TSPAN13: variants seen among roughly 807,000 people sequenced by gnomAD.
The protein encoded by TSPAN13 is tetraspanin 13.
Under a neutral mutation model 26.9 loss-of-function variants are expected in TSPAN13, and 18 were observed. The observed-to-expected ratio is 0.67, with a 90% CI of 0.46 to 0.99. TSPAN13 has a LOEUF of 0.99. TSPAN13 is among the 50% of genes least tolerant of loss of function. TSPAN13 has a pLI of 0.00. For missense variants in TSPAN13, 201 were observed against 249.6 expected, an observed-to-expected ratio of 0.81 and a Z score of 1.31; for synonymous variants, 116 against 98.4, an observed-to-expected ratio of 1.18 and a Z score of -1.06.
intron 5 of TSPAN13, 68 bp from the exon 6 acceptor site, chr7:16,783,349 T>A (rs1019744811): frequency 2.8e-6 from 4 of 1,453,586 alleles, no homozygotes; most frequent in Non-Finnish European, 3.8e-6. Context: ...ATTTTATTGA[T>A]CAACTGAATA....
chr7:16,781,089 T>C (rs997867779), intron 5 of TSPAN13, among the ~76,000 whole-genome samples: 5 of 152,184 alleles, frequency 3.3e-5, no homozygotes, highest in African/African-American at 1.2e-4. Flanking sequence ...TTATTATACC[T>C]TTAAACAAAC....
At chr7:16,773,474 G>C (rs373905289) in intron 1 of TSPAN13, among the ~76,000 whole-genome samples, 11 of 152,258 alleles carry the variant, frequency 7.2e-5, no homozygotes, top group South Asian at 4.1e-4. Flanking sequence ...CACTGCTTTT[G>C]TGTACAGGGG....
intron 1 of TSPAN13, among the ~76,000 whole-genome samples, chr7:16,764,260 C>T (rs1446216353): frequency 6.6e-6 from 1 of 150,834 alleles, no homozygotes; most frequent in Admixed American, 6.6e-5. Context: ...AACTCCTGAC[C>T]TCGTGATCTG....
At chr7:16,758,445 A>T (rs1784506888) in intron 1 of TSPAN13, among the ~76,000 whole-genome samples, 2 of 152,162 alleles carry the variant, frequency 1.3e-5, no homozygotes, top group Non-Finnish European at 2.9e-5. Context: ...TAGTATATAA[A>T]TGCTTTAGAT....
chr7:16,776,468 A>G, intron 2 of TSPAN13, 90 bp downstream of exon 2: 4 of 1,298,642 alleles, frequency 3.1e-6, no homozygotes, highest in Non-Finnish European at 4.3e-6. Context: ...ATTTATTGCC[A>G]GAAAGCAACT....
intron 1 of TSPAN13, among the ~76,000 whole-genome samples, chr7:16,761,887 A>C (rs1784545003): frequency 1.3e-5 from 2 of 151,964 alleles, no homozygotes; most frequent in South Asian, 4.1e-4. Flanking sequence ...TTGTTGGTAT[A>C]GTCCTTCTGT....
At chr7:16,782,078 G>T (rs547349624) in intron 5 of TSPAN13, among the ~76,000 whole-genome samples, 2 of 152,172 alleles carry the variant, frequency 1.3e-5, no homozygotes, top group African/African-American at 2.4e-5. Context: ...TATCTATTTT[G>T]TGAAAGCTAT....
chr7:16,754,725 C>T (rs1252407392), intron 1 of TSPAN13, among the ~76,000 whole-genome samples: 1 of 152,188 alleles, frequency 6.6e-6, no homozygotes, highest in Non-Finnish European at 1.5e-5. Flanking sequence ...AGCCCCCACC[C>T]AAGTCGTTTC....
intron 1 of TSPAN13, among the ~76,000 whole-genome samples, chr7:16,770,876 ATGATAGGCTCTTGTT>A (rs1583791837): frequency 6.6e-6 from 1 of 152,238 alleles, no homozygotes; most frequent in East Asian, 1.9e-4. Context: ...AAGCATGGGC[ATGATAGGCTCTTGTT>A]TGATAGGCTC....
intron 5 of TSPAN13, among the ~76,000 whole-genome samples, chr7:16,781,798 C>G (rs1784816318): frequency 6.6e-6 from 1 of 152,002 alleles, no homozygotes; most frequent in African/African-American, 2.4e-5. Flanking sequence ...GGAGCTTTGG[C>G]AAGTGATATT....
chr7:16,778,741 TGTAAG>T (rs540144735), intron 4 of TSPAN13, among the ~76,000 whole-genome samples: 136 of 152,312 alleles, frequency 8.9e-4, no homozygotes, highest in Non-Finnish European at 1.8e-3. Context: ...TCTTATCTGA[TGTAAG>T]GTAACATGGA....
intron 1 of TSPAN13, among the ~76,000 whole-genome samples, chr7:16,757,565 T>C (rs1170842243): frequency 6.6e-6 from 1 of 152,070 alleles, no homozygotes; most frequent in Non-Finnish European, 1.5e-5. Context: ...TGACCAAACA[T>C]ATATTTACTG....
chr7:16,770,198 A>T (rs1824393), intron 1 of TSPAN13, among the ~76,000 whole-genome samples: 74,950 of 147,912 alleles, frequency 0.51, 18,889 homozygotes, highest in Admixed American at 0.54. Context: ...TTTTTATTTT[A>T]TTATTTTATT....
intron 1 of TSPAN13, among the ~76,000 whole-genome samples, chr7:16,775,151 G>A (rs1784727269): frequency 6.6e-6 from 1 of 152,144 alleles, no homozygotes; most frequent in African/African-American, 2.4e-5. Flanking sequence ...CCAGGCAATG[G>A]TTGACTCATG....
At chr7:16,760,204 A>G (rs901580018) in intron 1 of TSPAN13, among the ~76,000 whole-genome samples, 10 of 152,200 alleles carry the variant, frequency 6.6e-5, no homozygotes, top group African/African-American at 2.2e-4. Flanking sequence ...GTAAAAGGCT[A>G]TATGGCTTTT....
intron 1 of TSPAN13, among the ~76,000 whole-genome samples, chr7:16,767,116 C>G (rs573351879): frequency 6.6e-6 from 1 of 152,122 alleles, no homozygotes; most frequent in Non-Finnish European, 1.5e-5. Context: ...CAGCTAATCT[C>G]TCTTTTAAGA....
intron 1 of TSPAN13, among the ~76,000 whole-genome samples, chr7:16,766,513 C>T (rs1407374857): frequency 1.3e-5 from 2 of 152,142 alleles, no homozygotes; most frequent in African/African-American, 4.8e-5. Context: ...TAGAGCATTG[C>T]CTTTTGTTAC....
Position 16,768,157 on chromosome 7 carries a change from G to A in TSPAN13, c.64-8054G>A, listed in dbSNP as rs370697713. 3.9e-4 allele frequency among the ~76,000 whole-genome samples: 59 copies of A among 152,186 alleles called. No individual in the cohort carries two copies. In the South Asian group the frequency reaches 3.9e-3, roughly 10 times the overall value. On this transcript the variant is annotated intron_variant, in intron 1 of 5. Coordinates refer to ENST00000262067, the MANE Select transcript of TSPAN13 (RefSeq NM_014399.4). ...TTGAACTCCTGACCTAAGGTGATCC[G>A]CCTGCCTTGGCCTTCCAAAGTGCTG...
intron 1 of TSPAN13, among the ~76,000 whole-genome samples, chr7:16,774,176 C>T (rs1166783618): frequency 6.6e-6 from 1 of 152,184 alleles, no homozygotes; most frequent in East Asian, 1.9e-4. Context: ...GCCAGCTCTA[C>T]AAATTTCTGA....
Sources: gnomAD v4.1 joint callset for allele counts (sites outside exome capture counted in the v4.1 genomes callset) on GRCh38, gnomAD v4.1.1 for gene constraint, MANE v1.5 for transcripts, NCBI Gene and HGNC (gene_info 2026-07-23, HGNC 2026-07-21) for gene names.